Variants in COBL observed in about 807,000 individuals in gnomAD.
The protein encoded by COBL is protein cordon-bleu.
COBL carries 51 observed loss-of-function variants against 98.8 expected under a neutral mutation model. That is an observed-to-expected ratio of 0.52 (90% CI 0.41 to 0.65). The LOEUF (loss-of-function observed/expected upper bound fraction) is 0.65, where lower values mean the gene tolerates loss of function less well. COBL is among the 30% of genes least tolerant of loss of function. The pLI, the probability that COBL is intolerant of heterozygous loss-of-function variation, is 0.00. For missense variants in COBL, 1,617 were observed against 1,617.5 expected (o/e 1.00, Z 0.01); for synonymous variants, 634 against 651.7 (o/e 0.97, Z 0.41).
At chr7:51,237,697 T>A (rs190342952) in intron 1 of COBL, among the ~76,000 whole-genome samples, 256 of 152,302 alleles carry the variant, frequency 1.7e-3, no homozygotes, top group African/African-American at 5.7e-3. Context: ...CCTTGGGCCA[T>A]GTCATGGTCC....
chr7:51,037,004 C>T (rs1788711496), intron 8 of COBL, among the ~76,000 whole-genome samples: 1 of 152,152 alleles, frequency 6.6e-6, no homozygotes, highest in African/African-American at 2.4e-5. Flanking sequence ...TTCCACTGTT[C>T]CTTCCCTGCA....
intron 7 of COBL, among the ~76,000 whole-genome samples, chr7:51,050,379 G>A (rs1205483987): frequency 2.6e-5 from 4 of 152,182 alleles, no homozygotes; most frequent in African/African-American, 9.7e-5. Flanking sequence ...TCCAACTGCT[G>A]TTCTTTTAAA....
At chr7:51,089,244 T>C (rs1794574402) in intron 6 of COBL, among the ~76,000 whole-genome samples, 1 of 152,146 alleles carries the variant, frequency 6.6e-6, no homozygotes, top group Non-Finnish European at 1.5e-5. Flanking sequence ...CTGGGCACAG[T>C]GACTCATGCC....
At chr7:51,057,720 T>G (rs1350221263) in intron 7 of COBL, among the ~76,000 whole-genome samples, 1 of 152,212 alleles carries the variant, frequency 6.6e-6, no homozygotes, top group African/African-American at 2.4e-5. Context: ...CTTGGCTTTA[T>G]TGGCCAGAAA....
chr7:51,262,161 C>T (rs888088340), intron 1 of COBL, among the ~76,000 whole-genome samples: 1 of 152,152 alleles, frequency 6.6e-6, no homozygotes, highest in Non-Finnish European at 1.5e-5. Flanking sequence ...TGGCTCAGGG[C>T]ACAGAGCCAA....
At chr7:51,122,504 A>G (rs1308045119) in intron 6 of COBL, among the ~76,000 whole-genome samples, 1 of 152,224 alleles carries the variant, frequency 6.6e-6, no homozygotes, top group African/African-American at 2.4e-5. Context: ...GTATTTTTAG[A>G]AAGGTTGTTT....
chr7:51,116,508 A>G (rs1228053823), intron 6 of COBL, among the ~76,000 whole-genome samples: 1 of 152,162 alleles, frequency 6.6e-6, no homozygotes, highest in Admixed American at 6.5e-5. Context: ...GAGATTATAA[A>G]CCCCAAAGAC....
intron 4 of COBL, among the ~76,000 whole-genome samples, chr7:51,185,244 A>T (rs1236182218): frequency 6.6e-6 from 1 of 152,192 alleles, no homozygotes; most frequent in Non-Finnish European, 1.5e-5. Flanking sequence ...CTTATGAGAG[A>T]TGCGAATGCT....
chr7:51,234,716 A>AAAAG (rs1554440870), intron 1 of COBL, among the ~76,000 whole-genome samples: 20 of 151,326 alleles, frequency 1.3e-4, no homozygotes, highest in African/African-American at 3.4e-4. Flanking sequence ...AAAAAAAAAA[A>AAAAG]AAAGAAAGAA....
chr7:51,262,590 C>T (rs1383627721), intron 1 of COBL, among the ~76,000 whole-genome samples: 5 of 152,182 alleles, frequency 3.3e-5, no homozygotes, highest in Non-Finnish European at 5.9e-5. Context: ...AGCGCCAAGT[C>T]GCCATGCCTG....
intron 1 of COBL, among the ~76,000 whole-genome samples, chr7:51,296,210 T>C (rs1042964985): frequency 8.5e-5 from 13 of 152,166 alleles, no homozygotes; most frequent in African/African-American, 2.9e-4. Context: ...TATCAGCACA[T>C]AGGTGAATTT....
At chr7:51,166,022 C>T (rs1787288291) in intron 5 of COBL, among the ~76,000 whole-genome samples, 1 of 151,484 alleles carries the variant, frequency 6.6e-6, no homozygotes, top group Non-Finnish European at 1.5e-5. Context: ...GAAGAAAAAC[C>T]TCAAACAAAC....
chr7:51,025,443 G>A lies in COBL; in HGVS notation c.3505-71C>T, dbSNP rs1427999864. ...CAAAATTCAGCTGTGAAATCCCAAC[G>A]CCCAAGGTAGTGGCATGAGGAGATG... is the stretch of plus-strand genomic sequence containing the variant. On this transcript the variant is annotated intron_variant, in intron 11 of 12. Transcript: ENST00000265136. 14 of 1,514,398 alleles carry A rather than the reference G, an allele frequency of 9.2e-6. 1 individual carries two copies. Among genetic ancestry groups the A allele is most frequent in the African/African-American group, 8.2e-5 (6 of 73,090 alleles). The allele number at this position is 1,514,398 out of a possible 1,614,324, so 93.8% of individuals were successfully genotyped here.
chr7:51,155,303 G>T (rs1225323543), intron 5 of COBL, among the ~76,000 whole-genome samples: 1 of 152,076 alleles, frequency 6.6e-6, no homozygotes, highest in Non-Finnish European at 1.5e-5. Flanking sequence ...AGACTGTACA[G>T]TTCCAGCCGG....
chr7:51,116,642 A>G (rs549847969), intron 6 of COBL, among the ~76,000 whole-genome samples: 50 of 152,232 alleles, frequency 3.3e-4, no homozygotes, highest in African/African-American at 1.2e-3. Context: ...TTATCTAGCT[A>G]TGTACCATTT....
At chr7:51,058,375 C>T (rs1032515222) in intron 7 of COBL, among the ~76,000 whole-genome samples, 23 of 152,102 alleles carry the variant, frequency 1.5e-4, no homozygotes, top group Non-Finnish European at 5.9e-5. Flanking sequence ...AAGCGAGACC[C>T]TGTCTGTCTC....
In COBL at chr7:51,029,564, G is replaced by A. The variant is rs760161537; in HGVS notation, c.1532C>T (p.Thr511Ile). Residue 511 changes from threonine to isoleucine, a missense_variant, in exon 10 of 13, where the codon ACC becomes ATC. Thr to Ile is a moderately conservative substitution (Grantham distance 89, BLOSUM62 -1). This residue lies in a region of COBL where 1,304 missense variants were observed against 1,282.0 expected (regional missense o/e 1.02). Transcript: ENST00000265136. Reference protein sequence around the residue: ...EEMEDSYETDTSSLTSSIHGA... With the variant: ...EEMEDSYETDISSLTSSIHGA... ...ATGGATGGAGCTGGTGAGGGAGCTG[G>A]TGTCTGTTTCATAGCTGTCTTCCAT... is the stretch of plus-strand genomic sequence containing the variant. 1.9e-6 allele frequency: 3 copies of A among 1,603,456 alleles called. No homozygotes were observed. The African/African-American group carries it at 4.0e-5, about 21-fold the overall frequency.
chr7:51,102,123 C>A (rs55642718), intron 6 of COBL, among the ~76,000 whole-genome samples: 12,769 of 152,250 alleles, frequency 0.084, 621 homozygotes, highest in Middle Eastern at 0.17. Flanking sequence ...GACTTTCTAG[C>A]CTCCAAAACT....
In COBL at chr7:51,095,469, A is replaced by G. The variant is rs148804094; in HGVS notation, c.958-10165T>C. Among the ~76,000 whole-genome samples, 469 of 152,338 alleles carry G rather than the reference A, an allele frequency of 3.1e-3. 4 individuals are homozygous for G. Among genetic ancestry groups the G allele is most frequent in the African/African-American group, 0.011 (450 of 41,574 alleles). On this transcript the variant is annotated intron_variant, in intron 6 of 12. Coordinates refer to ENST00000265136, the MANE Select transcript of COBL (RefSeq NM_015198.5). ...GTGCCAACAGAATAAAAGAGCAACA[A>G]AACTACAAGATATACGGAAACCAAT...
Sources: allele counts gnomAD v4.1 joint callset (sites outside exome capture counted in the v4.1 genomes callset), GRCh38; gene constraint gnomAD v4.1.1; regional missense constraint gnomAD v4.1.1; transcripts MANE v1.5; gene names NCBI Gene and HGNC (gene_info 2026-07-23, HGNC 2026-07-21).